AFAP1L1: variants seen among roughly 807,000 people sequenced by gnomAD.
AFAP1L1 encodes actin filament-associated protein 1-like 1.
Under a neutral mutation model 99.8 loss-of-function variants are expected in AFAP1L1, and 77 were observed. That is an observed-to-expected ratio of 0.77 (90% CI 0.64 to 0.93). The LOEUF (loss-of-function observed/expected upper bound fraction) is 0.93, where lower values mean the gene tolerates loss of function less well. Among genes scored for constraint, AFAP1L1 ranks in the 40% least tolerant of loss-of-function variants. The pLI is 0.00. For missense variants in AFAP1L1, 893 were observed against 996.8 expected (o/e 0.90, Z 1.40); for synonymous variants, 373 against 395.3 (o/e 0.94, Z 0.67).
In AFAP1L1 at chr5:149,326,554, A is replaced by T. The variant is rs867893543; in HGVS notation, c.1811-3112A>T. Among the ~76,000 whole-genome samples the T allele has an allele frequency of 1.9e-3, 225 of 118,244 alleles. 1 individual carries two copies. Among genetic ancestry groups the T allele is most frequent in the African/African-American group, 5.7e-3 (220 of 38,326 alleles). The allele number at this position is 118,244 out of a possible 152,430, so 77.6% of individuals were successfully genotyped here. On this transcript the variant is annotated intron_variant, in intron 15 of 18. Transcript: ENST00000296721. ...ACCCTGTCGCCAAAAATAAAAAAAA[A>T]AAAAAAAAGAAAGAAAAATATATAT...
At chr5:149,290,067 A>C (rs1351349815) in intron 1 of AFAP1L1, among the ~76,000 whole-genome samples, 1 of 152,088 alleles carries the variant, frequency 6.6e-6, no homozygotes, top group African/African-American at 2.4e-5. Context: ...CACCTTCTCT[A>C]CTAAAAATAC....
At chr5:149,286,992 G>T (rs952995630) in intron 1 of AFAP1L1, among the ~76,000 whole-genome samples, 1 of 152,182 alleles carries the variant, frequency 6.6e-6, no homozygotes, top group Non-Finnish European at 1.5e-5. Flanking sequence ...GTTTAACCTT[G>T]CTAGGCCTCA....
chr5:149,300,653 T>C (rs1756173644), intron 3 of AFAP1L1, among the ~76,000 whole-genome samples: 1 of 152,252 alleles, frequency 6.6e-6, no homozygotes, highest in Non-Finnish European at 1.5e-5. Context: ...CTTGAGACAC[T>C]GGGCTGAGCG....
At chr5:149,301,281 G>C (rs749967434) in intron 4 of AFAP1L1, 51 bp downstream of exon 4, 7 of 1,570,342 alleles carry the variant, frequency 4.5e-6, no homozygotes, top group Non-Finnish European at 5.2e-6. Flanking sequence ...CCCTCTGGAG[G>C]AGGCAAGGGA....
intron 18 of AFAP1L1, among the ~76,000 whole-genome samples, chr5:149,335,956 C>G (rs1435980105): frequency 2.0e-5 from 3 of 152,212 alleles, no homozygotes; most frequent in African/African-American, 7.2e-5. Flanking sequence ...GTTTCTGAGC[C>G]TACAATGTGT....
rs78451530 is a variant in AFAP1L1, at chr5:149,322,864, A to G, written c.1810+147A>G. The G allele has an allele frequency of 1.7e-3, 1,120 of 661,918 alleles. 9 individuals are homozygous for G. The African/African-American group carries it at 0.018, about 11-fold the overall frequency. 41.0% of individuals were successfully genotyped at this position (661,918 alleles called of 1,614,324 possible). A position where few individuals can be genotyped will look rare whatever the true frequency, so the allele number is the denominator to read the frequency against. ...AATACTCTACCGTAAGAAAAATCAC[A>G]GAGCAAGCACAATGATAAAGGGCAG... is the stretch of plus-strand genomic sequence containing the variant. On this transcript the variant is annotated intron_variant, in intron 15 of 18. Transcript: ENST00000296721.
intron 6 of AFAP1L1, among the ~76,000 whole-genome samples, chr5:149,307,097 A>G (rs1337079383): frequency 6.6e-6 from 1 of 151,988 alleles, no homozygotes; most frequent in African/African-American, 2.4e-5. Context: ...AAATACAAAA[A>G]TTATCCAGGT....
intron 1 of AFAP1L1, among the ~76,000 whole-genome samples, chr5:149,272,328 G>C (rs891535985): frequency 9.2e-5 from 14 of 152,218 alleles, no homozygotes; most frequent in Admixed American, 2.6e-4. Context: ...GGAAAACAAG[G>C]TGTACAGGTT....
rs932269396 is a variant in AFAP1L1 at position 149,329,659 on chromosome 5, T to C, written c.1811-7T>C. 7.5e-6 allele frequency: 12 copies of C among 1,610,700 alleles called. No individual in the cohort carries two copies. The African/African-American group carries it at 1.3e-4, about 18-fold the overall frequency. On this transcript the variant is annotated splice_region_variant and splice_polypyrimidine_tract_variant and intron_variant, in intron 15 of 18. Coordinates refer to ENST00000296721, the MANE Select transcript of AFAP1L1 (RefSeq NM_152406.4). ...TGAGGGCCTTTCCCTTCCCCATATC[T>C]CTGCAGGTGCCAATCAATACAAGTA...
chr5:149,307,566 G>C lies in AFAP1L1; in HGVS notation c.700G>C (p.Gly234Arg). The C allele has an allele frequency of 6.2e-7, 1 of 1,613,386 alleles. No individual in the cohort carries two copies. Among genetic ancestry groups the C allele is most frequent in the South Asian group, 1.1e-5 (1 of 91,036 alleles). The change falls in exon 7 of 19, where the codon GGG becomes CGG. Residue 234 changes from glycine (G) to arginine (R), a missense_variant. Coordinates refer to ENST00000296721, the MANE Select transcript of AFAP1L1 (RefSeq NM_152406.4). Reference sequence around the variant, plus strand: ...CTTCCTGCTGCGGAAAAAGCGTTTCGGGCAGTGGGCCAAGCAGCTGACGGT... The same window carrying C: ...CTTCCTGCTGCGGAAAAAGCGTTTCCGGCAGTGGGCCAAGCAGCTGACGGT... ...CAFLLRKKRF[G>R]QWAKQLTVIR...
intron 15 of AFAP1L1, among the ~76,000 whole-genome samples, chr5:149,328,801 G>A (rs1384530049): frequency 1.3e-5 from 2 of 152,108 alleles, no homozygotes; most frequent in South Asian, 2.1e-4. Flanking sequence ...GTGACAGAGC[G>A]AGACTCTGTC....
At position 149,307,638 on chromosome 5, in the gene AFAP1L1, G is replaced by C. The variant is rs754062588; in HGVS notation, c.747+25G>C. 9.9e-6 allele frequency: 16 copies of C among 1,608,764 alleles called. 1 individual carries two copies. In the South Asian group the frequency reaches 1.8e-4, roughly 18 times the overall value. On this transcript the variant is annotated intron_variant, in intron 7 of 18. Coordinates refer to ENST00000296721, the MANE Select transcript of AFAP1L1 (RefSeq NM_152406.4). The stretch of plus-strand genomic sequence containing the variant: ...GGTGAGTGGTCAGCAGCAGCCATGT[G>C]CCTCGGCCTCACATGGACTTGCATG...
At chr5:149,274,818 G>A (rs1034871596) in intron 1 of AFAP1L1, among the ~76,000 whole-genome samples, 9 of 151,344 alleles carry the variant, frequency 5.9e-5, no homozygotes, top group Non-Finnish European at 2.9e-5. Context: ...CTGGGAGGTG[G>A]AGGTTGCAGT....
At chr5:149,339,529 C>T (rs1242190982) in intron 18 of AFAP1L1, among the ~76,000 whole-genome samples, 1 of 152,116 alleles carries the variant, frequency 6.6e-6, no homozygotes, top group Non-Finnish European at 1.5e-5. Context: ...ATTTGAATTT[C>T]GTATCATTTT....
At chr5:149,285,517 A>G (rs896462921) in intron 1 of AFAP1L1, among the ~76,000 whole-genome samples, 4 of 152,092 alleles carry the variant, frequency 2.6e-5, no homozygotes, top group African/African-American at 9.7e-5. Context: ...TGGGTGAGGG[A>G]AGCCAAATCC....
intron 1 of AFAP1L1, among the ~76,000 whole-genome samples, chr5:149,279,291 A>G (rs895173730): frequency 2.0e-5 from 3 of 152,238 alleles, no homozygotes; most frequent in African/African-American, 7.2e-5. Context: ...GAACTGTTCA[A>G]TGGTAGAATA....
rs113903204 is a variant in AFAP1L1 at position 149,320,654 on chromosome 5, T to C, written c.1698+191T>C. 0.01 allele frequency among the ~76,000 whole-genome samples: 1,538 copies of C among 152,268 alleles called. 46 individuals carry two copies. The East Asian group carries it at 0.12, about 12-fold the overall frequency. On this transcript the variant is annotated intron_variant, in intron 14 of 18. Transcript: ENST00000296721. This position sits in a 1 kb window ranked among gnomAD's most constrained non-coding sequence, Gnocchi z 4.0. ...CCCTGGCACAGGAGGCTGGGTGGTGTGGTGGAAAGAGACCCAGGTTGGGAG... is the reference window on the plus strand; with the variant it reads ...CCCTGGCACAGGAGGCTGGGTGGTGCGGTGGAAAGAGACCCAGGTTGGGAG...
intron 1 of AFAP1L1, among the ~76,000 whole-genome samples, chr5:149,288,441 C>T (rs1356611720): frequency 6.6e-6 from 1 of 152,192 alleles, no homozygotes; most frequent in East Asian, 1.9e-4. Flanking sequence ...ACATCTGGAA[C>T]ATCACTTTAG....
At chr5:149,328,635 C>T (rs1272771888) in intron 15 of AFAP1L1, among the ~76,000 whole-genome samples, 8 of 152,054 alleles carry the variant, frequency 5.3e-5, no homozygotes, top group African/African-American at 1.9e-4. Context: ...ATGGCGAAAC[C>T]CCATCTCTAC....
Sources: gnomAD v4.1 joint callset for allele counts (sites outside exome capture counted in the v4.1 genomes callset) on GRCh38, gnomAD v4.1.1 for gene constraint, Gnocchi (gnomAD v3.1) non-coding constraint, MANE v1.5 for transcripts, NCBI Gene and HGNC (gene_info 2026-07-23, HGNC 2026-07-21) for gene names.